The following RERE variants were observed in gnomAD, a reference collection of about 807,000 sequenced individuals.
RERE encodes the protein arginine-glutamic acid dipeptide repeats protein.
RERE carries 40 observed loss-of-function variants against 146.1 expected under a neutral mutation model. The observed-to-expected ratio is 0.27, with a 90% CI of 0.21 to 0.36. RERE has a LOEUF of 0.36. Ranked by LOEUF, RERE falls within the 10% of genes least tolerant of loss-of-function variation. The probability of loss-of-function intolerance (pLI) is 1.00; values close to 1 mark genes in which losing one functional copy is unlikely to be tolerated. For synonymous variants in RERE, 1,003 were observed against 866.0 expected (o/e 1.16, Z -2.78); for missense variants, 1,933 against 2,138.7 (o/e 0.90, Z 1.90).
chr1:8,466,617 A>T (rs1407664161), intron 10 of RERE, among the ~76,000 whole-genome samples: 1 of 152,214 alleles, frequency 6.6e-6, no homozygotes, highest in Non-Finnish European at 1.5e-5. Flanking sequence ...TGACTGTGCT[A>T]ATTTCACACA....
At chr1:8,421,630 G>A (rs1643911016) in intron 12 of RERE, among the ~76,000 whole-genome samples, 1 of 152,038 alleles carries the variant, frequency 6.6e-6, no homozygotes. Context: ...TGTCCTTGAG[G>A]TACTATACAG....
chr1:8,685,404 A>G (rs1639062636), intron 1 of RERE, among the ~76,000 whole-genome samples: 1 of 138,628 alleles, frequency 7.2e-6, no homozygotes, highest in African/African-American at 2.7e-5. Context: ...AATACAAATA[A>G]TCCTAAGAAA....
intron 1 of RERE, among the ~76,000 whole-genome samples, chr1:8,677,530 G>A (rs917343332): frequency 2.0e-5 from 3 of 150,560 alleles, no homozygotes; most frequent in East Asian, 3.9e-4. Flanking sequence ...GTAATCACAC[G>A]GTCAGTATTT....
In RERE at chr1:8,470,872, G is replaced by A. The variant is rs1157517789; in HGVS notation, c.1105-4849C>T. 4.7e-5 allele frequency among the ~76,000 whole-genome samples: 6 copies of A among 128,550 alleles called. No individual in the cohort carries two copies. In the East Asian group the frequency reaches 1.5e-3, roughly 33 times the overall value. The allele number at this position is 128,550 out of a possible 152,430, so 84.3% of individuals were successfully genotyped here. ...TCTCGCTCTGTCACCAGGCTGGAGTGCAGTGGCACAATTTCAGCTCACTGA... is the reference window on the plus strand; with the variant it reads ...TCTCGCTCTGTCACCAGGCTGGAGTACAGTGGCACAATTTCAGCTCACTGA... On this transcript the variant is annotated intron_variant, in intron 10 of 22. Coordinates refer to ENST00000400908, the MANE Select transcript of RERE (RefSeq NM_001042681.2).
Position 8,525,911 on chromosome 1 carries a change from T to G in RERE, c.830+15303A>C, listed in dbSNP as rs1570391561. On this transcript the variant is annotated intron_variant, in intron 7 of 22. Transcript: ENST00000400908. ...GCAGTCTCAGAGACCTCATAGAGCT[T>G]TCACTGAGCTTGTGCTATGACCTAA... The G allele has an allele frequency of 2.1e-6, 3 of 1,400,326 alleles. No homozygotes were observed. The East Asian group carries it at 8.7e-5, about 41-fold the overall frequency. The allele number at this position is 1,400,326 out of a possible 1,614,324, so 86.7% of individuals were successfully genotyped here. A position where few individuals can be genotyped will look rare whatever the true frequency, so the allele number is the denominator to read the frequency against.
At chr1:8,551,391 A>G (rs138679207) in intron 6 of RERE, among the ~76,000 whole-genome samples, 1 of 152,328 alleles carries the variant, frequency 6.6e-6, no homozygotes, top group African/African-American at 2.4e-5. Flanking sequence ...AAAACAAATT[A>G]CAAGTTACAA....
At chr1:8,495,682 A>G (rs1645035902) in intron 9 of RERE, among the ~76,000 whole-genome samples, 3 of 152,146 alleles carry the variant, frequency 2.0e-5, no homozygotes, top group Admixed American at 2.0e-4. Flanking sequence ...ATCCATTTGT[A>G]TTGTTTCTTC....
chr1:8,567,669 T>C (rs762760722), intron 4 of RERE, among the ~76,000 whole-genome samples: 4 of 152,258 alleles, frequency 2.6e-5, no homozygotes, highest in South Asian at 2.1e-4. Context: ...ATATTGTGTA[T>C]GAACACTGAA....
At chr1:8,508,748 A>C in intron 7 of RERE, 73 bp from the exon 8 acceptor site, 1 of 1,208,018 alleles carries the variant, frequency 8.3e-7, no homozygotes. Flanking sequence ...TTTTTCAAAA[A>C]AAGTAATTCT....
intron 1 of RERE, among the ~76,000 whole-genome samples, chr1:8,769,032 T>C (rs939022066): frequency 2.0e-5 from 3 of 152,192 alleles, no homozygotes; most frequent in African/African-American, 7.2e-5. Context: ...GACATACTCA[T>C]TTGCTGTAAA....
At chr1:8,377,181 C>T (rs190110240) in intron 12 of RERE, among the ~76,000 whole-genome samples, 1 of 152,228 alleles carries the variant, frequency 6.6e-6, no homozygotes, top group Non-Finnish European at 1.5e-5. Context: ...AAGACTCCCA[C>T]GACATGAGGG....
intron 1 of RERE, among the ~76,000 whole-genome samples, chr1:8,780,737 A>G (rs1477166341): frequency 1.3e-5 from 2 of 152,222 alleles, no homozygotes; most frequent in African/African-American, 2.4e-5. Context: ...TCCTTAGAAT[A>G]AAAACTATTG....
chr1:8,354,572 C>A lies in RERE; in HGVS notation c.*515G>T, dbSNP rs944860297. ...TTATTTACAGACGTAAAAAGCCATG[C>A]TGCAGAACTTTCTCCAATTATGAAG... On this transcript the variant is annotated 3_prime_UTR_variant, in exon 23 of 23. Transcript: ENST00000400908. The A allele has an allele frequency of 2.0e-5, 3 of 152,324 alleles. No homozygotes were observed. Among genetic ancestry groups the A allele is most frequent in the Non-Finnish European group, 4.4e-5 (3 of 68,162 alleles). The allele number at this position is 152,324 out of a possible 1,614,324, so 9.4% of individuals were successfully genotyped here.
At chr1:8,646,481 G>A (rs1001038332) in intron 2 of RERE, among the ~76,000 whole-genome samples, 23 of 151,476 alleles carry the variant, frequency 1.5e-4, no homozygotes, top group Non-Finnish European at 3.1e-4. Flanking sequence ...TCAGTAAGCC[G>A]TGTTCATGTC....
At position 8,599,770 on chromosome 1, in the gene RERE, C is replaced by A. The variant is rs569178753; in HGVS notation, c.522+14791G>T. On this transcript the variant is annotated intron_variant, in intron 4 of 22. Coordinates refer to ENST00000400908, the MANE Select transcript of RERE (RefSeq NM_001042681.2). ...GATTCTTATTTTCAGCAGAAGGAGA[C>A]AGTCTTATCTCCAGCCTTACAGCTC... is the stretch of plus-strand genomic sequence containing the variant. Among the ~76,000 whole-genome samples, 4 of 152,316 alleles carry A rather than the reference C, an allele frequency of 2.6e-5. No homozygotes were observed. The East Asian group carries it at 7.7e-4, about 29-fold the overall frequency.
At chr1:8,633,422 C>CT (rs1647058058) in intron 2 of RERE, among the ~76,000 whole-genome samples, 1 of 152,086 alleles carries the variant, frequency 6.6e-6, no homozygotes, top group Non-Finnish European at 1.5e-5. Flanking sequence ...GATCCTGTCT[C>CT]TTAAACACGC....
rs957563255 is a variant in RERE at position 8,363,859 on chromosome 1, C to T, written c.1740+197G>A. 5 of 605,248 alleles carry T rather than the reference C, an allele frequency of 8.3e-6. No homozygotes were observed. In the East Asian group the frequency reaches 8.3e-5, roughly 10 times the overall value. 37.5% of individuals were successfully genotyped at this position (605,248 alleles called of 1,614,324 possible). ...ACAAAACCCAGAGCAGGATGCCACC[C>T]TGGGGCCCCTCGAAGGAGAGAACAG... is the stretch of plus-strand genomic sequence containing the variant. On this transcript the variant is annotated intron_variant, in intron 15 of 22. Transcript: ENST00000400908.
rs35025831 is a variant in RERE, at chr1:8,440,731, C to CAA, written c.1204-17926_1204-17925dup. Among the ~76,000 whole-genome samples, 479 of 129,196 alleles carry CAA rather than the reference C, an allele frequency of 3.7e-3. 1 individual carries two copies. The highest frequency in any genetic ancestry group is 4.1e-3 in the Admixed American group (51 of 12,392). The allele number at this position is 129,196 out of a possible 152,430, so 84.8% of individuals were successfully genotyped here. On this transcript the variant is annotated intron_variant, in intron 11 of 22. Coordinates refer to ENST00000400908, the MANE Select transcript of RERE (RefSeq NM_001042681.2). ...TGAAACCTCGTCTCTACTAAAAATA[C>CAA]AAAAAAAAAAAAAAATTAGCTGGGC... is the stretch of plus-strand genomic sequence containing the variant.
chr1:8,795,982 C>CAAAAA (rs556814425), intron 1 of RERE, among the ~76,000 whole-genome samples: 96 of 29,142 alleles, frequency 3.3e-3, no homozygotes, highest in Middle Eastern at 0.018. Context: ...AACTCCGTCT[C>CAAAAA]AAAAAAAAAA....
Sources: gnomAD v4.1 joint callset for allele counts (sites outside exome capture counted in the v4.1 genomes callset) on GRCh38, gnomAD v4.1.1 for gene constraint, MANE v1.5 for transcripts, NCBI Gene and HGNC (gene_info 2026-07-23, HGNC 2026-07-21) for gene names.